SOAT2: variants seen among roughly 807,000 people sequenced by gnomAD.
SOAT2 encodes the protein ACAT-2.
SOAT2 carries 87 observed loss-of-function variants against 76.0 expected under a neutral mutation model. The ratio of observed to expected loss-of-function variants is 1.14; its 90% CI spans 0.96 to 1.37. SOAT2 has a LOEUF of 1.37. SOAT2 is among the 40% of genes most tolerant of loss of function. The pLI, the probability that SOAT2 is intolerant of heterozygous loss-of-function variation, is 0.00. For synonymous variants in SOAT2, 285 were observed against 275.4 expected, an observed-to-expected ratio of 1.03 and a Z score of -0.34; for missense variants, 686 against 682.1, an observed-to-expected ratio of 1.01 and a Z score of -0.06.
Position 53,103,672 on chromosome 12 carries a change from C to T in SOAT2, c.82+13C>T, listed in dbSNP as rs1024743359. The T allele has an allele frequency of 1.0e-4, 151 of 1,515,570 alleles. No homozygotes were observed. The highest frequency in any genetic ancestry group is 1.3e-4 in the Non-Finnish European group (143 of 1,133,668). The allele number at this position is 1,515,570 out of a possible 1,614,324, so 93.9% of individuals were successfully genotyped here. ...CCCTGTGGAGATGGTGAGCCGCCCT[C>T]GGGGGTGCAGAAGGCACAGGCAAGT... On this transcript the variant is annotated intron_variant, in intron 1 of 14. Coordinates refer to ENST00000301466, the MANE Select transcript of SOAT2 (RefSeq NM_003578.4).
At chr12:53,122,935 G>A (rs889638092) in intron 12 of SOAT2, 146 bp from the exon 13 acceptor site, 7 of 816,388 alleles carry the variant, frequency 8.6e-6, no homozygotes, top group East Asian at 7.3e-5. Context: ...CTCACCTCCC[G>A]GACGGGGCGG....
chr12:53,123,880 G>A lies in SOAT2; in HGVS notation c.1518+7G>A, dbSNP rs1938235369. The A allele has an allele frequency of 6.2e-7, 1 of 1,613,938 alleles. No individual in the cohort carries two copies. The highest frequency in any genetic ancestry group is 8.5e-7 in the Non-Finnish European group (1 of 1,180,006). On this transcript the variant is annotated splice_region_variant and intron_variant, in intron 14 of 14. Transcript: ENST00000301466. ...GCACTGCCCCTTACCCCAGGTAAGA[G>A]ACCACAACCCTCATCCAGCTCCCCA...
chr12:53,121,792 G>C (rs1720447339), intron 12 of SOAT2, among the ~76,000 whole-genome samples: 1 of 103,076 alleles, frequency 9.7e-6, no homozygotes, highest in African/African-American at 3.9e-5. Flanking sequence ...ATAGTAGCAT[G>C]CTTTTTTTTT....
Position 53,120,847 on chromosome 12 carries a change from C to A in SOAT2, c.1101C>A (p.Ala367=). 1 of 1,613,988 alleles carries A rather than the reference C, an allele frequency of 6.2e-7. No individual in the cohort carries two copies. The highest frequency in any genetic ancestry group is 2.2e-5 in the East Asian group (1 of 44,878). The change falls in exon 11 of 15, where the codon GCC becomes GCA. Residue 367 remains alanine (A), a synonymous_variant. Coordinates refer to ENST00000301466, the MANE Select transcript of SOAT2 (RefSeq NM_003578.4). ...TCCATTGCTGGCTCAACGCCTTTGC[C>A]GAGATGCTACGATTTGGAGACAGGA... ...AFLHCWLNAF[A]EMLRFGDRMF... is the part of the protein sequence containing the mutation.
chr12:53,115,083 A>C (rs1353550651), intron 5 of SOAT2, among the ~76,000 whole-genome samples: 1 of 152,230 alleles, frequency 6.6e-6, no homozygotes, highest in African/African-American at 2.4e-5. Flanking sequence ...AAAGGAATAA[A>C]ACTAAGGAAA....
intron 5 of SOAT2, among the ~76,000 whole-genome samples, chr12:53,114,090 C>T (rs561959485): frequency 2.0e-5 from 3 of 152,170 alleles, no homozygotes; most frequent in South Asian, 4.1e-4. Context: ...TTAACTTAAC[C>T]ACTCTATCAG....
chr12:53,116,999 C>T (rs1426064688), intron 7 of SOAT2, among the ~76,000 whole-genome samples: 1 of 140,266 alleles, frequency 7.1e-6, no homozygotes, highest in African/African-American at 2.7e-5. Context: ...TGCCCTGTTT[C>T]CCAGGCTGGA....
At chr12:53,123,496 T>A (rs960278060) in intron 13 of SOAT2, among the ~76,000 whole-genome samples, 7 of 152,114 alleles carry the variant, frequency 4.6e-5, no homozygotes, top group Non-Finnish European at 8.8e-5. Flanking sequence ...AGGAGGAAAC[T>A]GGGATGAGGC....
At chr12:53,107,677 C>T (rs1023953473) in intron 5 of SOAT2, among the ~76,000 whole-genome samples, 1 of 143,292 alleles carries the variant, frequency 7.0e-6, no homozygotes, top group Non-Finnish European at 1.5e-5. Flanking sequence ...GGCTGGAGTG[C>T]AGTGGCGTGA....
At chr12:53,117,353 C>T (rs1167463257) in intron 7 of SOAT2, among the ~76,000 whole-genome samples, 1 of 150,184 alleles carries the variant, frequency 6.7e-6, no homozygotes, top group Non-Finnish European at 1.5e-5. Flanking sequence ...AATCCTCCTG[C>T]CTTGGCCTCC....
In SOAT2 at chr12:53,121,409, C is replaced by T. The variant is rs1938187326; in HGVS notation, c.1236+8C>T. ...TATCAGGATGGGCTGCGGGTATGGG[C>T]CCTGCAGACCCCTTCAGCTCTCACA... On this transcript the variant is annotated splice_region_variant and intron_variant, in intron 12 of 14. Coordinates refer to ENST00000301466, the MANE Select transcript of SOAT2 (RefSeq NM_003578.4). 1.9e-6 allele frequency: 3 copies of T among 1,599,052 alleles called. No individual in the cohort carries two copies. Among genetic ancestry groups the T allele is most frequent in the Non-Finnish European group, 2.6e-6 (3 of 1,166,326 alleles).
Position 53,124,188 on chromosome 12 carries a change from C to T in SOAT2, c.*65C>T. ...AGTTCTCTGCCTGCAAAACCTGGGACCAGGACTCCTGTCTGCATTCCCAAA... is the reference window on the plus strand; with the variant it reads ...AGTTCTCTGCCTGCAAAACCTGGGATCAGGACTCCTGTCTGCATTCCCAAA... On this transcript the variant is annotated 3_prime_UTR_variant, in exon 15 of 15. Coordinates refer to ENST00000301466, the MANE Select transcript of SOAT2 (RefSeq NM_003578.4). 2 of 1,570,050 alleles carry T rather than the reference C, an allele frequency of 1.3e-6. No individual in the cohort carries two copies. The highest frequency in any genetic ancestry group is 2.2e-5 in the South Asian group (2 of 90,166).
rs774684425 is a variant in SOAT2, at chr12:53,124,116, A to G, written c.1562A>G (p.His521Arg). 8.7e-6 allele frequency: 14 copies of G among 1,614,180 alleles called. No individual in the cohort carries two copies. The South Asian group carries it at 8.8e-5, about 10-fold the overall frequency. ...GLVTPRSWSC[H>R]T is the part of the protein sequence containing the mutation. ...GTGACACCTCGATCTTGGTCCTGCC[A>G]TACCTAGAGGTCGGGACAGACGACG... Residue 521 changes from histidine (H) to arginine (R), a missense_variant, in exon 15 of 15, where the codon CAT (histidine) becomes CGT (arginine). His to Arg is a conservative substitution (Grantham distance 29). Coordinates refer to ENST00000301466, the MANE Select transcript of SOAT2 (RefSeq NM_003578.4).
chr12:53,119,828 T>C lies in SOAT2; in HGVS notation c.1039+575T>C, dbSNP rs112415644. ...CATCAATTACTATGACCCACCTGTT[T>C]CTCTGTACTCACAGGCACATCAATG... On this transcript the variant is annotated intron_variant, in intron 10 of 14. Transcript: ENST00000301466. Among the ~76,000 whole-genome samples the C allele has an allele frequency of 3.8e-3, 582 of 152,296 alleles. 2 individuals carry two copies. Among genetic ancestry groups the C allele is most frequent in the African/African-American group, 0.013 (543 of 41,558 alleles).
chr12:53,108,825 C>T (rs747138135), intron 5 of SOAT2, among the ~76,000 whole-genome samples: 21 of 152,332 alleles, frequency 1.4e-4, no homozygotes, highest in East Asian at 1.9e-4. Context: ...ATAAAACCAC[C>T]TTCTAAAGAG....
Position 53,104,280 on chromosome 12 carries a change from T to C in SOAT2, c.138+74T>C, listed in dbSNP as rs1937891736. 3.2e-6 allele frequency: 3 copies of C among 937,922 alleles called. No individual in the cohort carries two copies. In the South Asian group the frequency reaches 4.3e-5, roughly 13 times the overall value. 58.1% of individuals were successfully genotyped at this position (937,922 alleles called of 1,614,324 possible). ...AGGAAGCAGGAGTGAGGCTTGGTGA[T>C]AAAGATGACTTTTTTTTTTTTTTTT... On this transcript the variant is annotated intron_variant, in intron 2 of 14. Coordinates refer to ENST00000301466, the MANE Select transcript of SOAT2 (RefSeq NM_003578.4).
chr12:53,115,276 A>T, intron 5 of SOAT2, 114 bp from the exon 6 acceptor site: 1 of 1,210,564 alleles, frequency 8.3e-7, no homozygotes, highest in Non-Finnish European at 1.1e-6. Context: ...AGAGATGGGG[A>T]GCTCACAACC....
At chr12:53,120,717 C>A in intron 10 of SOAT2, 69 bp from the exon 11 acceptor site, 1 of 1,128,060 alleles carries the variant, frequency 8.9e-7, no homozygotes, top group Non-Finnish European at 1.4e-6. Flanking sequence ...TCCTCAGAAC[C>A]CAGATCAGGG....
intron 9 of SOAT2, 46 bp from the exon 10 acceptor site, chr12:53,119,078 G>A: frequency 6.2e-7 from 1 of 1,612,346 alleles, no homozygotes. Flanking sequence ...GCCACCGGCA[G>A]CTGCCAGCAT....
Sources: gnomAD v4.1 joint callset for allele counts (sites outside exome capture counted in the v4.1 genomes callset) on GRCh38, gnomAD v4.1.1 for gene constraint, MANE v1.5 for transcripts, NCBI Gene and HGNC (gene_info 2026-07-23, HGNC 2026-07-21) for gene names.